The following NCAM1 variants were observed in gnomAD, a reference collection of about 807,000 sequenced individuals.
The protein encoded by NCAM1 is antigen recognized by monoclonal antibody 5.1H11.
A neutral mutation model predicts 109.8 loss-of-function variants in NCAM1; 14 were observed. That is an observed-to-expected ratio of 0.13 (90% CI 0.08 to 0.20). The LOEUF (loss-of-function observed/expected upper bound fraction) is 0.20, where lower values mean the gene tolerates loss of function less well. Among genes scored for constraint, NCAM1 ranks in the 10% least tolerant of loss-of-function variants. NCAM1 has a pLI of 1.00. For synonymous variants in NCAM1, 418 were observed against 442.9 expected, an observed-to-expected ratio of 0.94 and a Z score of 0.70; for missense variants, 774 against 1,109.9, an observed-to-expected ratio of 0.70 and a Z score of 4.30.
At chr11:113,148,262 C>A (rs1203730960) in intron 1 of NCAM1, among the ~76,000 whole-genome samples, 1 of 152,042 alleles carries the variant, frequency 6.6e-6, no homozygotes, top group African/African-American at 2.4e-5. Context: ...TTAGGATGCT[C>A]ATGTCGCCAT....
chr11:112,971,147 G>T (rs189697107), intron 1 of NCAM1, among the ~76,000 whole-genome samples: 136 of 152,058 alleles, frequency 8.9e-4, no homozygotes, highest in African/African-American at 3.2e-3. Flanking sequence ...AGGGGAGGAA[G>T]GAGGGAGAGA....
intron 1 of NCAM1, among the ~76,000 whole-genome samples, chr11:113,028,003 T>A (rs1192874336): frequency 6.6e-6 from 1 of 152,120 alleles, no homozygotes; most frequent in South Asian, 2.1e-4. Context: ...GCTGATCTCA[T>A]AGAAGCAGAG....
intron 1 of NCAM1, among the ~76,000 whole-genome samples, chr11:113,010,963 ATT>A (rs201572519): frequency 6.7e-6 from 1 of 149,854 alleles, no homozygotes; most frequent in African/African-American, 2.5e-5. Flanking sequence ...TTGGGGTAGG[ATT>A]TTTTTTTTAA....
intron 1 of NCAM1, among the ~76,000 whole-genome samples, chr11:113,065,558 A>T (rs1240266796): frequency 6.6e-6 from 1 of 152,204 alleles, no homozygotes; most frequent in Non-Finnish European, 1.5e-5. Context: ...GGCACTTTAC[A>T]TGTGTGCTCT....
At position 113,277,714 on chromosome 11, in the gene NCAM1, A is replaced by G. The variant is rs1196783499; in HGVS notation, c.*2327A>G. On this transcript the variant is annotated 3_prime_UTR_variant, in exon 20 of 20. Transcript: ENST00000316851. ...TAGGAAGAAACAGGTCAGCCCTCAGATCACCTGGCCCGGGACAGCTGACCC... is the reference window on the plus strand; with the variant it reads ...TAGGAAGAAACAGGTCAGCCCTCAGGTCACCTGGCCCGGGACAGCTGACCC... 13 of 315,262 alleles carry G rather than the reference A, an allele frequency of 4.1e-5. No individual in the cohort carries two copies. In the Admixed American group the frequency reaches 5.0e-4, roughly 12 times the overall value. 19.5% of individuals were successfully genotyped at this position (315,262 alleles called of 1,614,324 possible).
chr11:113,220,897 C>G (rs1295313221), intron 8 of NCAM1, among the ~76,000 whole-genome samples: 1 of 152,026 alleles, frequency 6.6e-6, no homozygotes, highest in Non-Finnish European at 1.5e-5. Context: ...GCATGAGCAA[C>G]CGCACCCGGC....
At chr11:113,181,510 G>T (rs1368788766) in intron 1 of NCAM1, among the ~76,000 whole-genome samples, 9 of 152,294 alleles carry the variant, frequency 5.9e-5, no homozygotes, top group African/African-American at 2.2e-4. Flanking sequence ...ACACACTGGG[G>T]CCTGTCGGAG....
intron 1 of NCAM1, among the ~76,000 whole-genome samples, chr11:113,044,604 G>T (rs906917220): frequency 5.3e-5 from 8 of 152,000 alleles, no homozygotes; most frequent in Non-Finnish European, 1.2e-4. Context: ...AGAATCACTT[G>T]AATCTGGGAG....
intron 15 of NCAM1, among the ~76,000 whole-genome samples, chr11:113,252,762 A>C (rs11821490): frequency 7.2e-6 from 1 of 138,224 alleles, no homozygotes; most frequent in Non-Finnish European, 1.5e-5. Context: ...CAGCCTCTTC[A>C]GTAGCTGGGA....
At chr11:113,226,568 C>G (rs782387054) in intron 9 of NCAM1, among the ~76,000 whole-genome samples, 4 of 152,202 alleles carry the variant, frequency 2.6e-5, no homozygotes, top group Non-Finnish European at 5.9e-5. Flanking sequence ...CTCAGCCCTG[C>G]ACCAAGTGGA....
chr11:113,054,966 G>C (rs1471393195), intron 1 of NCAM1, among the ~76,000 whole-genome samples: 1 of 152,138 alleles, frequency 6.6e-6, no homozygotes, highest in African/African-American at 2.4e-5. Context: ...ATCTTAGGGC[G>C]ACCTGGCTGG....
chr11:113,160,408 T>A (rs1942563555), intron 1 of NCAM1, among the ~76,000 whole-genome samples: 1 of 152,172 alleles, frequency 6.6e-6, no homozygotes, highest in Non-Finnish European at 1.5e-5. Context: ...CGAGGGCCCC[T>A]TTTATGTTGC....
intron 1 of NCAM1, among the ~76,000 whole-genome samples, chr11:113,099,936 C>G (rs1215438818): frequency 1.3e-5 from 2 of 152,322 alleles, no homozygotes; most frequent in Admixed American, 1.3e-4. Flanking sequence ...ATCTGCCCGC[C>G]TCGGCCTCCC....
At position 113,231,198 on chromosome 11, in the gene NCAM1, A is replaced by G. The variant is rs1555117121; in HGVS notation, c.1090-447A>G. Reference sequence around the variant, plus strand: ...GCACTTGGAATGTCCTGCCACAGGTACATGCACCATGGAACTGGCAAGTGG... The same window carrying G: ...GCACTTGGAATGTCCTGCCACAGGTGCATGCACCATGGAACTGGCAAGTGG... On this transcript the variant is annotated intron_variant, in intron 9 of 19. Transcript: ENST00000316851. 4 of 1,536,034 alleles carry G rather than the reference A, an allele frequency of 2.6e-6. No homozygotes were observed. In the South Asian group the frequency reaches 4.8e-5, roughly 18 times the overall value.
intron 1 of NCAM1, among the ~76,000 whole-genome samples, chr11:112,971,616 CA>C (rs1479736111): frequency 2.0e-5 from 3 of 152,178 alleles, no homozygotes. Context: ...GCTCCTGCCT[CA>C]GCCTCCTGAG....
intron 1 of NCAM1, among the ~76,000 whole-genome samples, chr11:113,078,763 C>A (rs1555086600): frequency 6.6e-6 from 1 of 152,172 alleles, no homozygotes; most frequent in Non-Finnish European, 1.5e-5. Flanking sequence ...CTTCTAATCA[C>A]AGCTGACTTG....
At chr11:113,248,293 G>A (rs1565528311) in intron 15 of NCAM1, among the ~76,000 whole-genome samples, 1 of 151,040 alleles carries the variant, frequency 6.6e-6, no homozygotes, top group Non-Finnish European at 1.5e-5. Flanking sequence ...ACGCCCTCCT[G>A]GAACCATGTC....
At chr11:112,976,138 C>T (rs11214443) in intron 1 of NCAM1, among the ~76,000 whole-genome samples, 45,966 of 151,654 alleles carry the variant, frequency 0.3, 8,000 homozygotes, top group East Asian at 0.67. Context: ...AATAAAAGTA[C>T]AATTGGACAT....
At chr11:113,237,855 C>CATATATATAGATATATAG (rs1283318246) in intron 14 of NCAM1, among the ~76,000 whole-genome samples, 2 of 126,526 alleles carry the variant, frequency 1.6e-5, no homozygotes, top group African/African-American at 6.4e-5. Flanking sequence ...AAGGTGAGAC[C>CATATATATAGATATATAG]ATATATATAG....
Sources: allele counts gnomAD v4.1 joint callset (sites outside exome capture counted in the v4.1 genomes callset), GRCh38; gene constraint gnomAD v4.1.1; transcripts MANE v1.5; gene names NCBI Gene and HGNC (gene_info 2026-07-23, HGNC 2026-07-21).